The following MYH11 variants were observed in gnomAD, a reference collection of about 807,000 sequenced individuals.
MYH11 encodes myosin-11.
MYH11 carries 80 observed loss-of-function variants against 246.6 expected under a neutral mutation model. The observed-to-expected ratio is 0.32, with a 90% confidence interval of 0.27 to 0.39. The LOEUF (loss-of-function observed/expected upper bound fraction) is 0.39, where lower values mean the gene tolerates loss of function less well. Among genes scored for constraint, MYH11 ranks in the 10% least tolerant of loss-of-function variants. MYH11 has a pLI of 1.00. For synonymous variants in MYH11, 1,071 were observed against 1,015.5 expected, an observed-to-expected ratio of 1.05 and a Z score of -1.04; for missense variants, 2,158 against 2,546.8, an observed-to-expected ratio of 0.85 and a Z score of 3.29.
At chr16:15,754,909 C>T (rs2041671169) in intron 14 of MYH11, among the ~76,000 whole-genome samples, 1 of 152,186 alleles carries the variant, frequency 6.6e-6, no homozygotes, top group Admixed American at 6.5e-5. Flanking sequence ...TGGTCTCAAA[C>T]TGCTGACCTC....
chr16:15,807,274 C>G (rs553525348), intron 3 of MYH11, among the ~76,000 whole-genome samples: 63 of 152,188 alleles, frequency 4.1e-4, no homozygotes, highest in African/African-American at 1.5e-3. Flanking sequence ...ATCACAGGCT[C>G]AAGCCAATGC....
chr16:15,705,199 C>T (rs1446223936), intron 40 of MYH11, among the ~76,000 whole-genome samples: 1 of 152,200 alleles, frequency 6.6e-6, no homozygotes, highest in Non-Finnish European at 1.5e-5. Context: ...CCAGGCTGGT[C>T]TTGAACTCCT....
At chr16:15,803,844 G>A (rs897662615) in intron 3 of MYH11, among the ~76,000 whole-genome samples, 3 of 152,154 alleles carry the variant, frequency 2.0e-5, no homozygotes, top group Non-Finnish European at 2.9e-5. Context: ...CTGCCAGCGC[G>A]GCTCCGAGCT....
At chr16:15,751,445 G>A (rs144922975) in intron 15 of MYH11, among the ~76,000 whole-genome samples, 9 of 151,212 alleles carry the variant, frequency 6.0e-5, no homozygotes, top group African/African-American at 2.2e-4. Context: ...TTACAGGCGT[G>A]AGCTACCGCG....
At chr16:15,787,665 G>A (rs1001946652) in intron 4 of MYH11, among the ~76,000 whole-genome samples, 6 of 151,582 alleles carry the variant, frequency 4.0e-5, no homozygotes, top group African/African-American at 1.5e-4. Flanking sequence ...AGTAGAGACG[G>A]GGTTTCACCA....
chr16:15,819,576 T>G (rs2043350212), intron 3 of MYH11, among the ~76,000 whole-genome samples: 1 of 152,212 alleles, frequency 6.6e-6, no homozygotes, highest in South Asian at 2.1e-4. Context: ...CCTGATGATC[T>G]GTCACTGTCT....
At chr16:15,833,941 C>G (rs1436865618) in intron 2 of MYH11, among the ~76,000 whole-genome samples, 3 of 152,146 alleles carry the variant, frequency 2.0e-5, no homozygotes, top group African/African-American at 7.2e-5. Context: ...AAGAGCGGGA[C>G]CATCATCACA....
Position 15,724,388 on chromosome 16 carries a change from GCTT to G in MYH11, c.4135_4137del (p.Lys1379del), listed in dbSNP as rs748742555. The G allele has an allele frequency of 1.8e-5, 29 of 1,613,924 alleles. No homozygotes were observed. Among genetic ancestry groups the G allele is most frequent in the African/African-American group, 2.7e-5 (2 of 74,900 alleles). On this transcript the variant is annotated inframe_deletion, in exon 31 of 41. Transcript: ENST00000300036. ...TCCACGGTGCTGGCAAAGTCCTGCAGCTTCTTCTTCGAGTCGGAGAGCTACAAG... is the reference window on the plus strand; with the variant it reads ...TCCACGGTGCTGGCAAAGTCCTGCAGCTTCTTCGAGTCGGAGAGCTACAAG...
intron 40 of MYH11, among the ~76,000 whole-genome samples, chr16:15,712,057 G>C (rs940370078): frequency 6.6e-6 from 1 of 152,150 alleles, no homozygotes; most frequent in East Asian, 1.9e-4. Flanking sequence ...GTATAAAGGA[G>C]ACCAAAACGT....
At chr16:15,773,288 C>CTCTT (rs1390551515) in intron 8 of MYH11, among the ~76,000 whole-genome samples, 1 of 76,038 alleles carries the variant, frequency 1.3e-5, no homozygotes, top group African/African-American at 6.2e-5. Context: ...TTTCCTCCAG[C>CTCTT]TATTTTTTTT....
chr16:15,764,681 T>C (rs1321206834), intron 9 of MYH11, among the ~76,000 whole-genome samples: 1 of 152,218 alleles, frequency 6.6e-6, no homozygotes, highest in African/African-American at 2.4e-5. Flanking sequence ...GGAGCTTCCA[T>C]GGGGCTGGTG....
chr16:15,724,650 G>C lies in MYH11; in HGVS notation c.4113C>G (p.Ile1371Met), dbSNP rs753720387. 3.1e-6 allele frequency: 5 copies of C among 1,614,066 alleles called. 1 individual carries two copies. Among genetic ancestry groups the C allele is most frequent in the Middle Eastern group, 3.4e-4 (2 of 5,960 alleles). Residue 1371 changes from isoleucine (I) to methionine (M), a missense_variant, in exon 30 of 41, where the codon ATC becomes ATG. Physicochemically the swap from Ile to Met is conservative, Grantham distance 10. This residue lies in a region of MYH11 where 1,013 missense variants were observed against 993.5 expected (regional missense o/e 1.02). Transcript: ENST00000300036. Reference sequence around the variant, plus strand: ...AGCAAGGACACGGGGCAGGCACCTGGATGTTGAGAGTGGAGATGTGGCGCT... The same window carrying C: ...AGCAAGGACACGGGGCAGGCACCTGCATGTTGAGAGTGGAGATGTGGCGCT... ...NLERHISTLNIQLSDSKKKLQ... is the reference protein window; with the variant it reads ...NLERHISTLNMQLSDSKKKLQ...
chr16:15,782,537 T>C (rs900829877), intron 5 of MYH11, 60 bp from the exon 6 acceptor site: 8 of 1,375,014 alleles, frequency 5.8e-6, no homozygotes, highest in African/African-American at 2.8e-5. Context: ...CAGTTCTACC[T>C]TGGATGGATG....
intron 31 of MYH11, 137 bp downstream of exon 31, chr16:15,724,019 CAAGAT>C (rs964425072): frequency 4.7e-5 from 67 of 1,426,942 alleles, no homozygotes; most frequent in African/African-American, 4.0e-4. Flanking sequence ...TCGCCCAAGA[CAAGAT>C]AAGACAGCCT....
intron 7 of MYH11, among the ~76,000 whole-genome samples, chr16:15,776,950 T>C (rs2042234921): frequency 6.6e-6 from 1 of 152,106 alleles, no homozygotes; most frequent in Non-Finnish European, 1.5e-5. Context: ...CTAAGCATGA[T>C]GGTGCGGGAT....
rs533594805 is a variant in MYH11, at chr16:15,728,628, G to A, written c.3652-1574C>T. On this transcript the variant is annotated intron_variant, in intron 27 of 40. Coordinates refer to ENST00000300036, the MANE Select transcript of MYH11 (RefSeq NM_002474.3). ...AAAAAAGTGTGTTGGGGCCAGGCGC[G>A]GTGGCTCAGGCCTAGAATCCCAGCA... is the stretch of plus-strand genomic sequence containing the variant. Among the ~76,000 whole-genome samples the A allele has an allele frequency of 5.9e-5, 9 of 152,210 alleles. No individual in the cohort carries two copies. The South Asian group carries it at 6.2e-4, about 11-fold the overall frequency.
intron 19 of MYH11, among the ~76,000 whole-genome samples, chr16:15,746,296 C>T (rs953153232): frequency 5.3e-5 from 8 of 151,982 alleles, no homozygotes; most frequent in African/African-American, 1.9e-4. Context: ...GCACTCTTCC[C>T]GTTTAAGGGC....
intron 40 of MYH11, 89 bp downstream of exon 40, chr16:15,714,820 G>C: frequency 6.7e-7 from 1 of 1,497,886 alleles, no homozygotes; most frequent in East Asian, 2.3e-5. Context: ...GTGGGCACAA[G>C]GGGCATTTGC....
Position 15,703,877 on chromosome 16 carries a change from T to C in MYH11, c.*114A>G. The C allele has an allele frequency of 7.2e-7, 1 of 1,383,776 alleles. No homozygotes were observed. Among genetic ancestry groups the C allele is most frequent in the Non-Finnish European group, 1.0e-6 (1 of 976,322 alleles). The allele number at this position is 1,383,776 out of a possible 1,614,324, so 85.7% of individuals were successfully genotyped here. A position where few individuals can be genotyped will look rare whatever the true frequency, so the allele number is the denominator to read the frequency against. On this transcript the variant is annotated 3_prime_UTR_variant, in exon 41 of 41. Coordinates refer to ENST00000300036, the MANE Select transcript of MYH11 (RefSeq NM_002474.3). The stretch of plus-strand genomic sequence containing the variant: ...GGAATTTGAGAATGGATTTAGACAA[T>C]GCTAAGTACAGTCTGCTGGGTTTTG...
Sources: allele counts gnomAD v4.1 joint callset (sites outside exome capture counted in the v4.1 genomes callset), GRCh38; gene constraint gnomAD v4.1.1; regional missense constraint gnomAD v4.1.1; transcripts MANE v1.5; gene names NCBI Gene and HGNC (gene_info 2026-07-23, HGNC 2026-07-21).